TGS1: variants seen among roughly 807,000 people sequenced by gnomAD.
TGS1 encodes trimethylguanosine synthase.
In TGS1, 69 loss-of-function variants were observed where a neutral mutation model predicts 92.2. The observed-to-expected ratio is 0.75, with a 90% confidence interval of 0.62 to 0.91. The LOEUF (loss-of-function observed/expected upper bound fraction) is 0.91. TGS1 is among the 40% of genes least tolerant of loss of function. The pLI is 0.00. For synonymous variants in TGS1, 345 were observed against 338.1 expected, an observed-to-expected ratio of 1.02 and a Z score of -0.22; for missense variants, 1,062 against 1,001.2, an observed-to-expected ratio of 1.06 and a Z score of -0.82.
rs567841779 is a variant in TGS1, at chr8:55,802,736, C to T, written c.1999+130C>T. The T allele has an allele frequency of 2.5e-3, 2,082 of 847,724 alleles. 5 individuals carry two copies. The highest frequency in any genetic ancestry group is 3.2e-3 in the Non-Finnish European group (1,833 of 571,672). The allele number at this position is 847,724 out of a possible 1,614,324, so 52.5% of individuals were successfully genotyped here. On this transcript the variant is annotated intron_variant, in intron 9 of 12. Coordinates refer to ENST00000260129, the MANE Select transcript of TGS1 (RefSeq NM_024831.8). ...TTCAGCTATTTTCAACATTTTGCCC[C>T]GTTTACGTTCTCATTCTCTCTCCAT...
At chr8:55,793,017 C>G (rs114582323) in intron 6 of TGS1, among the ~76,000 whole-genome samples, 1,544 of 152,286 alleles carry the variant, frequency 0.01, 33 homozygotes, top group African/African-American at 0.036. Flanking sequence ...ATAGATAAAG[C>G]AACTGCAGCT....
intron 1 of TGS1, among the ~76,000 whole-genome samples, chr8:55,776,362 G>C (rs928904282): frequency 1.4e-4 from 20 of 147,488 alleles, no homozygotes; most frequent in African/African-American, 4.8e-4. Context: ...CTCACTGCAA[G>C]CTCCACCCCC....
At chr8:55,808,646 C>T (rs928959294) in intron 10 of TGS1, among the ~76,000 whole-genome samples, 3 of 151,896 alleles carry the variant, frequency 2.0e-5, no homozygotes, top group African/African-American at 4.8e-5. Flanking sequence ...ATAGCTGGGA[C>T]TGCAGGGGCC....
chr8:55,798,863 C>A, intron 7 of TGS1, 51 bp from the exon 8 acceptor site: 1 of 1,408,020 alleles, frequency 7.1e-7, no homozygotes, highest in Non-Finnish European at 9.7e-7. Flanking sequence ...TAGGAAGATT[C>A]TGTGTAGTTT....
rs1385010425 is a variant in TGS1, at chr8:55,814,435, A to G, written c.2439+1317A>G. Reference sequence around the variant, plus strand: ...AAGCCTGAGCTCTTATTGTTAAGCAATGAAATTAGATCTTGCTGCCTTTCA... The same window carrying G: ...AAGCCTGAGCTCTTATTGTTAAGCAGTGAAATTAGATCTTGCTGCCTTTCA... On this transcript the variant is annotated intron_variant, in intron 12 of 12. Coordinates refer to ENST00000260129, the MANE Select transcript of TGS1 (RefSeq NM_024831.8). 4.6e-5 allele frequency among the ~76,000 whole-genome samples: 7 copies of G among 152,146 alleles called. No homozygotes were observed. The East Asian group carries it at 7.7e-4, about 17-fold the overall frequency.
chr8:55,811,615 G>A (rs891494458), intron 11 of TGS1, among the ~76,000 whole-genome samples: 1 of 151,998 alleles, frequency 6.6e-6, no homozygotes, highest in Non-Finnish European at 1.5e-5. Context: ...CAAAAAATTA[G>A]CCGGGCATGG....
intron 5 of TGS1, among the ~76,000 whole-genome samples, chr8:55,791,791 CAT>C (rs1811892314): frequency 6.6e-6 from 1 of 152,116 alleles, no homozygotes; most frequent in Admixed American, 6.5e-5. Flanking sequence ...TTCATCTCTA[CAT>C]TTTTTTCTTG....
chr8:55,816,329 G>A (rs193022317), intron 12 of TGS1, among the ~76,000 whole-genome samples: 77 of 152,290 alleles, frequency 5.1e-4, no homozygotes, highest in Admixed American at 3.6e-3. Flanking sequence ...CCCAAAGGAA[G>A]ATGCAGGCAG....
intron 11 of TGS1, among the ~76,000 whole-genome samples, chr8:55,811,882 A>G (rs1803350664): frequency 6.6e-6 from 1 of 152,238 alleles, no homozygotes; most frequent in South Asian, 2.1e-4. Flanking sequence ...ATCGATCTCC[A>G]AAAGTAATGA....
rs948404445 is a variant in TGS1 at position 55,773,508 on chromosome 8, C to G, written c.-111C>G. The G allele has an allele frequency of 1.1e-5, 8 of 749,440 alleles. No individual in the cohort carries two copies. Among genetic ancestry groups the G allele is most frequent in the Non-Finnish European group, 1.5e-5 (7 of 478,488 alleles). The allele number at this position is 749,440 out of a possible 1,614,324, so 46.4% of individuals were successfully genotyped here. A position where few individuals can be genotyped will look rare whatever the true frequency, so the allele number is the denominator to read the frequency against. ...AGCGGCCGCGGGCCAGTTTCTATCTCCTCATCCAGGGCTTGCGGGCGAGGC... is the reference window on the plus strand; with the variant it reads ...AGCGGCCGCGGGCCAGTTTCTATCTGCTCATCCAGGGCTTGCGGGCGAGGC... On this transcript the variant is annotated 5_prime_UTR_variant, in exon 1 of 13. Coordinates refer to ENST00000260129, the MANE Select transcript of TGS1 (RefSeq NM_024831.8).
At position 55,792,739 on chromosome 8, in the gene TGS1, A is replaced by G; in HGVS notation, c.1322A>G (p.Asp441Gly). 2 of 1,613,996 alleles carry G rather than the reference A, an allele frequency of 1.2e-6. No individual in the cohort carries two copies. Among genetic ancestry groups the G allele is most frequent in the East Asian group, 2.2e-5 (1 of 44,854 alleles). Residue 441 changes from aspartate (D) to glycine (G), a missense_variant, in exon 6 of 13, where the codon GAT (aspartate) becomes GGT (glycine). Asp to Gly is a moderately conservative substitution (Grantham distance 94). Transcript: ENST00000260129. Reference protein sequence around the residue: ...DIDENPASDFDDSGSLLGFKY... With the variant: ...DIDENPASDFGDSGSLLGFKY... Reference sequence around the variant, plus strand: ...GATGAAAACCCAGCTTCAGACTTTGATGACAGTGGTTCCCTTCTAGGATTC... The same window carrying G: ...GATGAAAACCCAGCTTCAGACTTTGGTGACAGTGGTTCCCTTCTAGGATTC...
intron 7 of TGS1, among the ~76,000 whole-genome samples, chr8:55,797,379 C>T (rs1049250065): frequency 3.9e-5 from 6 of 152,090 alleles, no homozygotes; most frequent in African/African-American, 9.7e-5. Flanking sequence ...TCCCACAACA[C>T]GTGGGGATTA....
chr8:55,811,182 G>T, intron 11 of TGS1, 85 bp downstream of exon 11: 1 of 800,616 alleles, frequency 1.2e-6, no homozygotes. Flanking sequence ...AGTGTGGGTG[G>T]GTGGGCAGGG....
At chr8:55,786,115 C>G in intron 3 of TGS1, 123 bp from the exon 4 acceptor site, 1 of 720,600 alleles carries the variant, frequency 1.4e-6, no homozygotes, top group South Asian at 2.2e-5. Flanking sequence ...GTTTGTGGAG[C>G]TAAAAGCCCA....
At chr8:55,823,312 C>T (rs983074461) in intron 12 of TGS1, among the ~76,000 whole-genome samples, 1 of 152,152 alleles carries the variant, frequency 6.6e-6, no homozygotes, top group African/African-American at 2.4e-5. Context: ...TGTCTTGGAA[C>T]AAAAGAATCT....
At chr8:55,789,465 A>C (rs1272363906) in intron 4 of TGS1, among the ~76,000 whole-genome samples, 1 of 152,230 alleles carries the variant, frequency 6.6e-6, no homozygotes, top group Non-Finnish European at 1.5e-5. Flanking sequence ...GACTGCTAAC[A>C]GCTATCACAA....
rs111875000 is a variant in TGS1 at position 55,821,679 on chromosome 8, C to T, written c.2440-2902C>T. Among the ~76,000 whole-genome samples the T allele has an allele frequency of 5.7e-3, 871 of 152,120 alleles. 10 individuals are homozygous for T. Among genetic ancestry groups the T allele is most frequent in the African/African-American group, 0.02 (817 of 41,498 alleles). The stretch of plus-strand genomic sequence containing the variant: ...ACGAGGTCAGGAGATCGAGACCACC[C>T]TGGCTAACACGGTGAAACCCTGTCT... On this transcript the variant is annotated intron_variant, in intron 12 of 12. Transcript: ENST00000260129.
chr8:55,793,143 CAT>C (rs750411404), intron 6 of TGS1, among the ~76,000 whole-genome samples: 1 of 152,216 alleles, frequency 6.6e-6, no homozygotes, highest in Non-Finnish European at 1.5e-5. Context: ...CCATAGCAAA[CAT>C]GCCATGAAAC....
rs1430629523 is a variant in TGS1, at chr8:55,785,767, C to A, written c.215C>A (p.Ala72Glu). ...GAAGGTGGTTATTCCTGTGGTACTGCAGAATCACATGACAGCAAAGGCATA... is the reference window on the plus strand; with the variant it reads ...GAAGGTGGTTATTCCTGTGGTACTGAAGAATCACATGACAGCAAAGGCATA... ...EEEGGYSCGT[A>E]ESHDSKGIGL... The change falls in exon 3 of 13, where the codon GCA (alanine) becomes GAA (glutamate). Residue 72 changes from alanine (A) to glutamate (E), a missense_variant. Ala to Glu is a moderately radical substitution (Grantham distance 107). Coordinates refer to ENST00000260129, the MANE Select transcript of TGS1 (RefSeq NM_024831.8). The A allele has an allele frequency of 6.2e-7, 1 of 1,613,296 alleles. No individual in the cohort carries two copies. Among genetic ancestry groups the A allele is most frequent in the Admixed American group, 1.7e-5 (1 of 59,894 alleles).
Sources: allele counts gnomAD v4.1 joint callset (sites outside exome capture counted in the v4.1 genomes callset), GRCh38; gene constraint gnomAD v4.1.1; transcripts MANE v1.5; gene names NCBI Gene and HGNC (gene_info 2026-07-23, HGNC 2026-07-21).